The following SMARCA4 variants were observed in gnomAD, a reference collection of about 807,000 sequenced individuals.
SMARCA4 encodes the protein SWI/SNF related BAF chromatin remodeling complex subunit ATPase 4, also known as SWI/SNF-related matrix-associated actin-dependent regulator of chromatin subfamily A member 4.
A neutral mutation model predicts 193.9 loss-of-function variants in SMARCA4; 31 were observed. The observed-to-expected ratio is 0.16, with a 90% CI of 0.12 to 0.22. The LOEUF is 0.22. Among genes scored for constraint, SMARCA4 ranks in the 10% least tolerant of loss-of-function variants. The pLI is 1.00. For synonymous variants in SMARCA4, 942 were observed against 933.1 expected (o/e 1.01, Z -0.17); for missense variants, 1,148 against 2,296.0 (o/e 0.50, Z 10.22).
chr19:11,054,437 C>A (rs1378166102), intron 30 of SMARCA4, among the ~76,000 whole-genome samples: 2 of 152,210 alleles, frequency 1.3e-5, no homozygotes, highest in African/African-American at 4.8e-5. Flanking sequence ...AGCAGCCAAC[C>A]TCGGCCCAGG....
intron 1 of SMARCA4, among the ~76,000 whole-genome samples, chr19:10,961,990 T>C (rs1004020000): frequency 7.3e-5 from 11 of 151,590 alleles, no homozygotes; most frequent in African/African-American, 2.4e-4. Context: ...TTTTTTTTTT[T>C]TTGGTCAGTG....
intron 1 of SMARCA4, among the ~76,000 whole-genome samples, chr19:10,963,205 T>G (rs1248938486): frequency 6.6e-6 from 1 of 151,512 alleles, no homozygotes; most frequent in Non-Finnish European, 1.5e-5. Flanking sequence ...AGACCTCATC[T>G]CTACAAAAAA....
chr19:11,025,285 C>A, intron 21 of SMARCA4, 137 bp from the exon 22 acceptor site: 1 of 688,678 alleles, frequency 1.5e-6, no homozygotes. Flanking sequence ...CTCCTCACTC[C>A]CAATTGCTGT....
rs531448513 is a variant in SMARCA4 at position 11,058,993 on chromosome 19, C to T, written c.4635+104C>T. The T allele has an allele frequency of 1.4e-5, 13 of 911,746 alleles. No homozygotes were observed. Among genetic ancestry groups the T allele is most frequent in the East Asian group, 1.0e-4 (4 of 38,320 alleles). 56.5% of individuals were successfully genotyped at this position (911,746 alleles called of 1,614,324 possible). On this transcript the variant is annotated intron_variant, in intron 32 of 34. Coordinates refer to ENST00000344626, the MANE Select transcript of SMARCA4 (RefSeq NM_003072.5). This position sits in a 1 kb window ranked among gnomAD's most constrained non-coding sequence, Gnocchi z 5.8. ...GAATTGATGGGTTAAAAACAAGTCC[C>T]GCTAGCTGTGGTGGTTCGTGCCTGT...
chr19:11,034,906 C>T lies in SMARCA4; in HGVS notation c.3952-8C>T, dbSNP rs2146695323. On this transcript the variant is annotated splice_region_variant and splice_polypyrimidine_tract_variant and intron_variant, in intron 28 of 34. Transcript: ENST00000344626. This position sits in a 1 kb window ranked among gnomAD's most constrained non-coding sequence, Gnocchi z 7.0. Reference sequence around the variant, plus strand: ...TGATGCCTCTCCCGTTGCCTCCCTGCCCACCAGCGCATGGACCTGGACCGC... The same window carrying T: ...TGATGCCTCTCCCGTTGCCTCCCTGTCCACCAGCGCATGGACCTGGACCGC... 6.4e-7 allele frequency: 1 copy of T among 1,551,888 alleles called. No homozygotes were observed. Among genetic ancestry groups the T allele is most frequent in the Non-Finnish European group, 8.7e-7 (1 of 1,147,940 alleles).
chr19:11,045,962 G>A (rs1484243133), intron 30 of SMARCA4, among the ~76,000 whole-genome samples: 5 of 151,260 alleles, frequency 3.3e-5, no homozygotes, highest in African/African-American at 1.2e-4. Context: ...GGTGGCTCAC[G>A]CCTGTAATCC....
chr19:11,034,774 G>A lies in SMARCA4; in HGVS notation c.3952-140G>A, dbSNP rs1372726055. On this transcript the variant is annotated intron_variant, in intron 28 of 34. Transcript: ENST00000344626. The surrounding 1 kb of genome is among the most constrained non-coding windows in gnomAD (Gnocchi z 7.0). ...AGGCCAGGTCAGCCACTGAAAAATC[G>A]AGAGCTACTGTTTAACTCTCGCAGC... 2.8e-6 allele frequency: 2 copies of A among 702,528 alleles called. No individual in the cohort carries two copies. Among genetic ancestry groups the A allele is most frequent in the South Asian group, 1.5e-5 (1 of 66,354 alleles). The allele number at this position is 702,528 out of a possible 1,614,324, so 43.5% of individuals were successfully genotyped here.
In SMARCA4 at chr19:10,984,316, C is replaced by T. The variant is rs2145725307; in HGVS notation, c.165C>T (p.Pro55=). The T allele has an allele frequency of 2.5e-6, 4 of 1,605,622 alleles. No homozygotes were observed. Among genetic ancestry groups the T allele is most frequent in the Non-Finnish European group, 3.4e-6 (4 of 1,176,432 alleles). ...CAGGGCCGCCCTCAGCAGGACACCC[C>T]ATCCCCACCCAGGGGCCTGGAGGGT... ...PSPGPPSAGH[P]IPTQGPGGYP... The change falls in exon 2 of 35, where the codon CCC becomes CCT. Residue 55 remains proline (P), a synonymous_variant. Coordinates refer to ENST00000344626, the MANE Select transcript of SMARCA4 (RefSeq NM_003072.5). The surrounding 1 kb of genome is among the most constrained non-coding windows in gnomAD (Gnocchi z 4.3).
At chr19:10,969,974 G>A (rs1037675966) in intron 1 of SMARCA4, among the ~76,000 whole-genome samples, 15 of 152,140 alleles carry the variant, frequency 9.9e-5, no homozygotes, top group African/African-American at 2.9e-4. Context: ...ACCTGTGGCC[G>A]CACCCACTTG....
At chr19:11,008,365 G>A (rs2088450702) in intron 14 of SMARCA4, 3 of 359,984 alleles carry the variant, frequency 8.3e-6, no homozygotes, top group South Asian at 6.4e-5. Flanking sequence ...CAGAGATGCT[G>A]TCTGCATTAG....
chr19:11,010,251 A>C (rs547429666), intron 14 of SMARCA4, 130 bp from the exon 15 acceptor site: 23 of 1,047,524 alleles, frequency 2.2e-5, no homozygotes, highest in Middle Eastern at 2.1e-4. Context: ...CTGCACCTCT[A>C]TGTGTCTTAC....
chr19:10,997,772 C>T (rs1462711388), intron 11 of SMARCA4, among the ~76,000 whole-genome samples: 1 of 152,180 alleles, frequency 6.6e-6, no homozygotes, highest in African/African-American at 2.4e-5. Context: ...TGGCCTTCAC[C>T]TGTGTTTTTT....
chr19:11,046,653 A>G (rs934535890), intron 30 of SMARCA4, among the ~76,000 whole-genome samples: 8 of 152,222 alleles, frequency 5.3e-5, no homozygotes, highest in African/African-American at 1.9e-4. Flanking sequence ...CAGGAAAGAT[A>G]GTCGTTGAAA....
chr19:10,996,181 A>G (rs1177209359), intron 9 of SMARCA4, 32 bp from the exon 10 acceptor site: 1 of 1,612,568 alleles, frequency 6.2e-7, no homozygotes, highest in Non-Finnish European at 8.5e-7. Context: ...ACATTGTGCC[A>G]CCACATTGCA....
At chr19:11,040,514 C>T (rs1001394083) in intron 29 of SMARCA4, 9 of 150,966 alleles carry the variant, frequency 6.0e-5, no homozygotes, top group African/African-American at 2.2e-4. Flanking sequence ...GTTGCTTGAA[C>T]CCAGGAGGCG....
intron 1 of SMARCA4, among the ~76,000 whole-genome samples, chr19:10,974,133 A>G (rs1265287406): frequency 6.6e-6 from 1 of 152,200 alleles, no homozygotes; most frequent in East Asian, 1.9e-4. Flanking sequence ...AACAACCACC[A>G]TAATTCCAAC....
In SMARCA4 at chr19:11,058,607, G is replaced by C. The variant is rs941894125; in HGVS notation, c.4534-181G>C. Among the ~76,000 whole-genome samples the C allele has an allele frequency of 6.6e-6, 1 of 152,126 alleles. No homozygotes were observed. The highest frequency in any genetic ancestry group is 2.4e-5 in the African/African-American group (1 of 41,420). On this transcript the variant is annotated intron_variant, in intron 31 of 34. Coordinates refer to ENST00000344626, the MANE Select transcript of SMARCA4 (RefSeq NM_003072.5). This position sits in a 1 kb window ranked among gnomAD's most constrained non-coding sequence, Gnocchi z 5.8. ...GTTCCTTCAAGGTCCCACTCACTTA[G>C]TGCTGGGCCTCAGTCATGCAGTTCC... is the stretch of plus-strand genomic sequence containing the variant.
Position 11,061,654 on chromosome 19 carries a change from G to A in SMARCA4, c.4912-130G>A, listed in dbSNP as rs992615686. 3.4e-6 allele frequency: 3 copies of A among 888,460 alleles called. No homozygotes were observed. In the Admixed American group the frequency reaches 5.2e-5, roughly 15 times the overall value. The allele number at this position is 888,460 out of a possible 1,614,324, so 55.0% of individuals were successfully genotyped here. On this transcript the variant is annotated intron_variant, in intron 34 of 34. Transcript: ENST00000344626. ...GCCTTCCAAAGTGCTGGGATTACGG[G>A]CGTGAGCCACCGTGCCCGGCCCACA...
rs1050727130 is a variant in SMARCA4, at chr19:10,985,892, G to A, written c.356-297G>A. On this transcript the variant is annotated intron_variant, in intron 3 of 34. Coordinates refer to ENST00000344626, the MANE Select transcript of SMARCA4 (RefSeq NM_003072.5). This position sits in a 1 kb window ranked among gnomAD's most constrained non-coding sequence, Gnocchi z 4.5. ...GTGGGCCTGGCGAGCCCGAGGATGTGGACCCCGCCTGTGGACAGGCAGGCG... is the reference window on the plus strand; with the variant it reads ...GTGGGCCTGGCGAGCCCGAGGATGTAGACCCCGCCTGTGGACAGGCAGGCG... Among the ~76,000 whole-genome samples, 4 of 152,166 alleles carry A rather than the reference G, an allele frequency of 2.6e-5. No homozygotes were observed. The highest frequency in any genetic ancestry group is 4.4e-5 in the Non-Finnish European group (3 of 68,014).
Sources: allele counts gnomAD v4.1 joint callset (sites outside exome capture counted in the v4.1 genomes callset), GRCh38; gene constraint gnomAD v4.1.1; non-coding constraint Gnocchi (gnomAD v3.1); transcripts MANE v1.5; gene names NCBI Gene and HGNC (gene_info 2026-07-23, HGNC 2026-07-21).